The following SP4 variants were observed in gnomAD, a reference collection of about 807,000 sequenced individuals.
The protein encoded by SP4 is Sp4 transcription factor.
Under a neutral mutation model 72.8 loss-of-function variants are expected in SP4, and 19 were observed. That is an observed-to-expected ratio of 0.26 (90% CI 0.18 to 0.38). SP4 has a LOEUF of 0.38. Ranked by LOEUF, SP4 falls within the 10% of genes least tolerant of loss-of-function variation. The pLI, the probability that SP4 is intolerant of heterozygous loss-of-function variation, is 1.00. For missense variants in SP4, 1,008 were observed against 926.3 expected, an observed-to-expected ratio of 1.09 and a Z score of -1.14; for synonymous variants, 395 against 333.1, an observed-to-expected ratio of 1.19 and a Z score of -2.02.
chr7:21,466,785 T>A (rs7798841), intron 3 of SP4, among the ~76,000 whole-genome samples: 1,796 of 149,238 alleles, frequency 0.012, 35 homozygotes, highest in African/African-American at 0.042. Flanking sequence ...TTTTCAAATC[T>A]AGGATTTTTT....
chr7:21,455,747 A>G (rs575792296), intron 3 of SP4, among the ~76,000 whole-genome samples: 1 of 152,084 alleles, frequency 6.6e-6, no homozygotes, highest in Non-Finnish European at 1.5e-5. Flanking sequence ...ACCAACCTTC[A>G]TCTCTGTCTT....
At chr7:21,467,951 C>T (rs981881657) in intron 3 of SP4, among the ~76,000 whole-genome samples, 2 of 152,010 alleles carry the variant, frequency 1.3e-5, no homozygotes, top group Non-Finnish European at 2.9e-5. Context: ...TTAAATAGGT[C>T]AATTTCAGTT....
intron 5 of SP4, among the ~76,000 whole-genome samples, chr7:21,486,321 T>G (rs1385644669): frequency 6.6e-6 from 1 of 152,136 alleles, no homozygotes. Flanking sequence ...AAACTTCTTG[T>G]ATAACCACAG....
intron 5 of SP4, among the ~76,000 whole-genome samples, chr7:21,510,014 A>G (rs1412525896): frequency 6.6e-6 from 1 of 152,210 alleles, no homozygotes; most frequent in Non-Finnish European, 1.5e-5. Flanking sequence ...AAAAGCAGAA[A>G]TCCCTGATAA....
At chr7:21,458,259 C>G (rs1308955725) in intron 3 of SP4, among the ~76,000 whole-genome samples, 2 of 152,154 alleles carry the variant, frequency 1.3e-5, no homozygotes, top group Non-Finnish European at 2.9e-5. Flanking sequence ...ATGGCACAGT[C>G]TTGGCTCACT....
chr7:21,469,768 G>T (rs1265990002), intron 3 of SP4, among the ~76,000 whole-genome samples: 3 of 151,952 alleles, frequency 2.0e-5, no homozygotes, highest in Non-Finnish European at 1.5e-5. Context: ...AGGACTAGTT[G>T]GTCTCAAACT....
In SP4 at chr7:21,513,648, T is replaced by C. The variant is rs1335963384; in HGVS notation, c.*2379T>C. 2.0e-5 allele frequency: 3 copies of C among 152,388 alleles called. No homozygotes were observed. The highest frequency in any genetic ancestry group is 4.4e-5 in the Non-Finnish European group (3 of 68,022). The allele number at this position is 152,388 out of a possible 1,614,324, so 9.4% of individuals were successfully genotyped here. ...TGTTTCCTCAGAGTGACACTTTTTG[T>C]TGTTGTTAATACCAAGTATGAACAC... On this transcript the variant is annotated 3_prime_UTR_variant, in exon 6 of 6. Coordinates refer to ENST00000222584, the MANE Select transcript of SP4 (RefSeq NM_003112.5).
intron 3 of SP4, among the ~76,000 whole-genome samples, chr7:21,466,120 C>A (rs561550401): frequency 1.1e-4 from 16 of 152,186 alleles, no homozygotes; most frequent in African/African-American, 3.9e-4. Flanking sequence ...ATTTTATGCA[C>A]ATTTTTGTTA....
intron 5 of SP4, among the ~76,000 whole-genome samples, chr7:21,510,588 A>G (rs945352115): frequency 4.6e-5 from 7 of 152,220 alleles, no homozygotes; most frequent in African/African-American, 1.4e-4. Flanking sequence ...TTTATTTGAA[A>G]TAGTTCCAAG....
chr7:21,510,540 TG>T (rs59374489), intron 5 of SP4, among the ~76,000 whole-genome samples: 2,212 of 152,310 alleles, frequency 0.015, 35 homozygotes, highest in East Asian at 0.08. Flanking sequence ...ATTTTTGCCT[TG>T]TAAAGAACTC....
rs560266101 is a variant in SP4 at position 21,490,799 on chromosome 7, A to G, written c.2107+8676A>G. Among the ~76,000 whole-genome samples, 333 of 152,332 alleles carry G rather than the reference A, an allele frequency of 2.2e-3. 4 individuals are homozygous for G. The highest frequency in any genetic ancestry group is 7.3e-3 in the African/African-American group (302 of 41,574). The stretch of plus-strand genomic sequence containing the variant: ...TAAACATCTTAAAAACCACCATCCA[A>G]TTCCCAGCATGTGCTGAGCAGAGAC... On this transcript the variant is annotated intron_variant, in intron 5 of 5. Coordinates refer to ENST00000222584, the MANE Select transcript of SP4 (RefSeq NM_003112.5).
intron 5 of SP4, 30 bp downstream of exon 5, chr7:21,482,153 A>G: frequency 6.5e-7 from 1 of 1,543,808 alleles, no homozygotes; most frequent in African/African-American, 1.4e-5. Context: ...TGTACTTTTT[A>G]CTTATTTCTT....
intron 5 of SP4, among the ~76,000 whole-genome samples, chr7:21,484,216 T>A (rs1386087391): frequency 6.6e-6 from 1 of 151,958 alleles, no homozygotes. Flanking sequence ...AGAAATGTTC[T>A]AGATTTCGGA....
Position 21,484,588 on chromosome 7 carries a change from C to T in SP4, c.2107+2465C>T, listed in dbSNP as rs145551720. 3.7e-3 allele frequency among the ~76,000 whole-genome samples: 564 copies of T among 151,892 alleles called. 7 individuals are homozygous for T. Among genetic ancestry groups the T allele is most frequent in the Non-Finnish European group, 7.0e-3 (472 of 67,768 alleles). ...ATAGTATATACACCATTGACGTTGG[C>T]AAATATGATTGATTAAAAGTTAATT... is the stretch of plus-strand genomic sequence containing the variant. On this transcript the variant is annotated intron_variant, in intron 5 of 5. Coordinates refer to ENST00000222584, the MANE Select transcript of SP4 (RefSeq NM_003112.5).
At chr7:21,446,352 G>A (rs1783427018) in intron 3 of SP4, among the ~76,000 whole-genome samples, 1 of 152,066 alleles carries the variant, frequency 6.6e-6, no homozygotes, top group Non-Finnish European at 1.5e-5. Flanking sequence ...GTCTGAACTG[G>A]TAGTGGTAAC....
intron 5 of SP4, among the ~76,000 whole-genome samples, chr7:21,495,275 C>G (rs1785079903): frequency 6.6e-6 from 1 of 152,106 alleles, no homozygotes; most frequent in Non-Finnish European, 1.5e-5. Flanking sequence ...GTGATGGATC[C>G]TGTTAAGAGA....
intron 3 of SP4, among the ~76,000 whole-genome samples, chr7:21,455,009 A>T (rs2128399946): frequency 6.6e-6 from 1 of 152,342 alleles, no homozygotes; most frequent in Admixed American, 6.5e-5. Context: ...TACTTGCCAC[A>T]TCTAGAGTTT....
Position 21,430,960 on chromosome 7 carries a change from G to A in SP4, c.1678+117G>A, listed in dbSNP as rs2128389024. 5 of 707,612 alleles carry A rather than the reference G, an allele frequency of 7.1e-6. No individual in the cohort carries two copies. The East Asian group carries it at 1.0e-4, about 15-fold the overall frequency. The allele number at this position is 707,612 out of a possible 1,614,324, so 43.8% of individuals were successfully genotyped here. On this transcript the variant is annotated intron_variant, in intron 3 of 5. Transcript: ENST00000222584. ...TCTGAAGTAAACACACAATCATAAG[G>A]AACCAGAAATAGCAATATTATACTA...
In SP4 at chr7:21,514,086, A is replaced by G. The variant is rs1782210054; in HGVS notation, c.*2817A>G. ...ATTATCAGTGCAAAGCTATGTATTT[A>G]TCATGGTAAAACTCCAGTGTTAGAA... On this transcript the variant is annotated 3_prime_UTR_variant, in exon 6 of 6. Coordinates refer to ENST00000222584, the MANE Select transcript of SP4 (RefSeq NM_003112.5). The G allele has an allele frequency of 6.6e-6, 1 of 152,590 alleles. No homozygotes were observed. Among genetic ancestry groups the G allele is most frequent in the Non-Finnish European group, 1.5e-5 (1 of 68,004 alleles). 9.5% of individuals were successfully genotyped at this position (152,590 alleles called of 1,614,324 possible).
Sources: allele counts gnomAD v4.1 joint callset (sites outside exome capture counted in the v4.1 genomes callset), GRCh38; gene constraint gnomAD v4.1.1; transcripts MANE v1.5; gene names NCBI Gene and HGNC (gene_info 2026-07-23, HGNC 2026-07-21).